Variants in DENND11 observed in about 807,000 individuals in gnomAD.
The protein encoded by DENND11 is DENN domain-containing protein 11.
DENND11 carries 34 observed loss-of-function variants against 49.2 expected under a neutral mutation model. That is an observed-to-expected ratio of 0.69 (90% confidence interval 0.53 to 0.92). The LOEUF is 0.92. Among genes scored for constraint, DENND11 ranks in the 40% least tolerant of loss-of-function variants. The probability of loss-of-function intolerance (pLI) is 0.00; values close to 1 mark genes in which losing one functional copy is unlikely to be tolerated. For missense variants in DENND11, 475 were observed against 581.6 expected, an observed-to-expected ratio of 0.82 and a Z score of 1.88; for synonymous variants, 238 against 230.3, an observed-to-expected ratio of 1.03 and a Z score of -0.30.
At chr7:141,696,796 A>G (rs551028087) in intron 1 of DENND11, among the ~76,000 whole-genome samples, 2 of 152,224 alleles carry the variant, frequency 1.3e-5, no homozygotes, top group South Asian at 4.1e-4. Context: ...AAACCTCCAA[A>G]GAGTATTTGG....
chr7:141,685,029 A>AAAAAAAAAT (rs1305276426), intron 3 of DENND11, among the ~76,000 whole-genome samples: 2 of 91,542 alleles, frequency 2.2e-5, no homozygotes, highest in African/African-American at 4.3e-5. Context: ...AAAAAAAAAA[A>AAAAAAAAAT]ATATATATAT....
intron 1 of DENND11, among the ~76,000 whole-genome samples, chr7:141,696,104 C>T (rs959327621): frequency 6.6e-6 from 1 of 152,202 alleles, no homozygotes; most frequent in Non-Finnish European, 1.5e-5. Context: ...AGTGTCGCGC[C>T]TGGCTGAGGA....
intron 1 of DENND11, among the ~76,000 whole-genome samples, chr7:141,700,470 A>G (rs1202723377): frequency 2.0e-5 from 3 of 147,774 alleles, no homozygotes; most frequent in Admixed American, 6.7e-5. Flanking sequence ...AGAGTGAGAC[A>G]CTGTCTGAAA....
At position 141,665,208 on chromosome 7, in the gene DENND11, C is replaced by T; in HGVS notation, c.931G>A (p.Val311Ile). The T allele has an allele frequency of 3.7e-6, 6 of 1,613,148 alleles. No individual in the cohort carries two copies. The highest frequency in any genetic ancestry group is 5.1e-6 in the Non-Finnish European group (6 of 1,179,544). Reference protein sequence around the residue: ...VNVADIESLEVEVSYVACTTE... With the variant: ...VNVADIESLEIEVSYVACTTE... ...TCACAGGCCACATAGGACACCTCTACCTCCAGGCTCTCGATGTCAGCCACG... is the reference window on the plus strand; with the variant it reads ...TCACAGGCCACATAGGACACCTCTATCTCCAGGCTCTCGATGTCAGCCACG... Residue 311 changes from valine (V) to isoleucine (I), a missense_variant, in exon 6 of 9, where the codon GTA (valine) becomes ATA (isoleucine). Transcript: ENST00000536163.
chr7:141,666,719 C>T (rs904376667), intron 4 of DENND11, among the ~76,000 whole-genome samples: 1 of 151,942 alleles, frequency 6.6e-6, no homozygotes, highest in South Asian at 2.1e-4. Flanking sequence ...TTAAAAAAAC[C>T]AGAATAAAAG....
intron 8 of DENND11, 40 bp from the exon 9 acceptor site, chr7:141,662,891 G>T: frequency 1.4e-6 from 2 of 1,431,102 alleles, no homozygotes; most frequent in Non-Finnish European, 1.9e-6. Context: ...GAAGCGGGGG[G>T]GAATAAAAAG....
At chr7:141,696,155 G>T (rs1488866199) in intron 1 of DENND11, among the ~76,000 whole-genome samples, 3 of 152,212 alleles carry the variant, frequency 2.0e-5, no homozygotes, top group Non-Finnish European at 4.4e-5. Context: ...CAGCTCCAAA[G>T]GTCAGCCTGA....
intron 1 of DENND11, 186 bp downstream of exon 1, chr7:141,701,700 C>G (rs1798521476): frequency 2.6e-6 from 1 of 381,614 alleles, no homozygotes; most frequent in Non-Finnish European, 4.1e-6. Context: ...AGCTGCGCCC[C>G]GAGGGAGAGA....
chr7:141,674,035 G>A (rs1408354401), intron 4 of DENND11, 32 bp downstream of exon 4: 3 of 1,594,098 alleles, frequency 1.9e-6, no homozygotes, highest in Non-Finnish European at 2.6e-6. Context: ...TACAGATCCA[G>A]TATAGTGTAA....
chr7:141,691,908 T>TA (rs143857054), intron 1 of DENND11, among the ~76,000 whole-genome samples: 1,611 of 151,586 alleles, frequency 0.011, 20 homozygotes, highest in African/African-American at 0.035. Context: ...AATGGGTATT[T>TA]AAAAAAAAAC....
chr7:141,666,470 G>GCT (rs765178176), intron 4 of DENND11, 45 bp from the exon 5 acceptor site: 9 of 1,495,418 alleles, frequency 6.0e-6, no homozygotes, highest in Non-Finnish European at 8.1e-6. Flanking sequence ...GTGAGGAACA[G>GCT]CTTCTTAGAA....
At chr7:141,662,889 G>A (rs568907744) in intron 8 of DENND11, 38 bp from the exon 9 acceptor site, 1 of 1,466,712 alleles carries the variant, frequency 6.8e-7, no homozygotes, top group Non-Finnish European at 9.1e-7. Context: ...AGGAAGCGGG[G>A]GGGAATAAAA....
chr7:141,700,519 TAGAAGG>T (rs1798494148), intron 1 of DENND11, among the ~76,000 whole-genome samples: 1 of 151,470 alleles, frequency 6.6e-6, no homozygotes, highest in African/African-American at 2.4e-5. Context: ...GCATTACATG[TAGAAGG>T]AGTCAGCACT....
At chr7:141,696,528 CAG>C (rs1414361330) in intron 1 of DENND11, among the ~76,000 whole-genome samples, 5 of 152,180 alleles carry the variant, frequency 3.3e-5, no homozygotes, top group Non-Finnish European at 4.4e-5. Flanking sequence ...ATTTCCTATC[CAG>C]AGACTGCCTC....
At chr7:141,686,805 C>T (rs1798251058) in intron 1 of DENND11, 147 bp from the exon 2 acceptor site, 2 of 620,746 alleles carry the variant, frequency 3.2e-6, no homozygotes, top group Non-Finnish European at 5.7e-6. Flanking sequence ...AGCTCAGCCC[C>T]TCCATCACTG....
chr7:141,658,745 C>T lies in DENND11; in HGVS notation c.*3911G>A, dbSNP rs575003865. The T allele has an allele frequency of 2.6e-5, 4 of 151,968 alleles. No individual in the cohort carries two copies. Among genetic ancestry groups the T allele is most frequent in the African/African-American group, 4.8e-5 (2 of 41,346 alleles). The allele number at this position is 151,968 out of a possible 1,614,324, so 9.4% of individuals were successfully genotyped here. A position where few individuals can be genotyped will look rare whatever the true frequency, so the allele number is the denominator to read the frequency against. Reference sequence around the variant, plus strand: ...ATCCATTCCCTGGGCTATACAGTTTCGAAGGGAAATAAATGGTCCCTCGGG... The same window carrying T: ...ATCCATTCCCTGGGCTATACAGTTTTGAAGGGAAATAAATGGTCCCTCGGG... On this transcript the variant is annotated 3_prime_UTR_variant, in exon 9 of 9. Transcript: ENST00000536163.
intron 3 of DENND11, among the ~76,000 whole-genome samples, chr7:141,681,207 T>C (rs767839824): frequency 2.6e-5 from 4 of 152,210 alleles, no homozygotes; most frequent in African/African-American, 9.6e-5. Flanking sequence ...GTGTGTTGAC[T>C]GCCCCTTGTA....
At chr7:141,677,868 A>G (rs1212797955) in intron 3 of DENND11, among the ~76,000 whole-genome samples, 1 of 152,218 alleles carries the variant, frequency 6.6e-6, no homozygotes, top group East Asian at 1.9e-4. Context: ...AAATGCTGTG[A>G]AACCACAATA....
chr7:141,678,133 T>C (rs1798094841), intron 3 of DENND11, among the ~76,000 whole-genome samples: 1 of 152,168 alleles, frequency 6.6e-6, no homozygotes, highest in Non-Finnish European at 1.5e-5. Context: ...AGCTAAGTTT[T>C]TGTATTTTAG....
Sources: gnomAD v4.1 joint callset for allele counts (sites outside exome capture counted in the v4.1 genomes callset) on GRCh38, gnomAD v4.1.1 for gene constraint, MANE v1.5 for transcripts, NCBI Gene and HGNC (gene_info 2026-07-23, HGNC 2026-07-21) for gene names.